The following NPM1 variants were observed in gnomAD, a reference collection of about 807,000 sequenced individuals.
The protein encoded by NPM1 is nucleophosmin.
A neutral mutation model predicts 44.1 loss-of-function variants in NPM1; 1 was observed. That is an observed-to-expected ratio of 0.02 (90% CI 0.01 to 0.11). NPM1 has a LOEUF of 0.11. Ranked by LOEUF, NPM1 falls within the 10% of genes least tolerant of loss-of-function variation. NPM1 has a pLI of 1.00. For synonymous variants in NPM1, 126 were observed against 111.8 expected (o/e 1.13, Z -0.80); for missense variants, 197 against 347.8 (o/e 0.57, Z 3.45).
chr5:171,390,409 T>C (rs1225706291), intron 2 of NPM1, among the ~76,000 whole-genome samples: 1 of 152,214 alleles, frequency 6.6e-6, no homozygotes, highest in East Asian at 1.9e-4. Context: ...CGATAATCTT[T>C]CATGTCTACC....
chr5:171,401,401 A>C (rs992229321), intron 8 of NPM1, among the ~76,000 whole-genome samples: 1 of 151,954 alleles, frequency 6.6e-6, no homozygotes, highest in African/African-American at 2.4e-5. Context: ...CACACACACA[A>C]ACATACTAAA....
chr5:171,391,798 A>G lies in NPM1; in HGVS notation c.351A>G (p.Val117=), dbSNP rs141086340. The G allele has an allele frequency of 2.5e-5, 39 of 1,576,324 alleles. No individual in the cohort carries two copies. The highest frequency in any genetic ancestry group is 1.4e-4 in the South Asian group (13 of 90,164). The change falls in exon 4 of 11, where the codon GTA becomes GTG. Residue 117 remains valine (V), a splice_region_variant and synonymous_variant. Coordinates refer to ENST00000296930, the MANE Select transcript of NPM1 (RefSeq NM_002520.7). ...GPVHISGQHL[V]AVEEDAESED... is the part of the protein sequence containing the mutation. ...TGCATATTAGTGGACAGCACTTAGT[A>G]GGTATGTTATTTTTATATATTATAC...
At chr5:171,388,520 T>G (rs1770393339) in intron 1 of NPM1, among the ~76,000 whole-genome samples, 1 of 151,090 alleles carries the variant, frequency 6.6e-6, no homozygotes, top group African/African-American at 2.4e-5. Context: ...CTTCGGCCAG[T>G]TACTGGGGGT....
chr5:171,387,957 T>G lies in NPM1; in HGVS notation c.9T>G (p.Asp3Glu), dbSNP rs1770334829. The change falls in exon 1 of 11, where the codon GAT becomes GAG. Residue 3 changes from aspartate to glutamate, a missense_variant. By Grantham distance (45) the Asp-to-Glu change is conservative. Coordinates refer to ENST00000296930, the MANE Select transcript of NPM1 (RefSeq NM_002520.7). ME[D>E]SMDMDMSPLR... ...GTGCGTGCCGCCACCCGATGGAAGA[T>G]TCGATGGACATGGACATGAGCCCCC... 1.2e-6 allele frequency: 2 copies of G among 1,612,520 alleles called. No individual in the cohort carries two copies. Among genetic ancestry groups the G allele is most frequent in the South Asian group, 1.1e-5 (1 of 91,012 alleles).
At chr5:171,387,752 G>C (rs75828148), upstream of NPM1, 1,414 of 621,208 alleles carry the variant, frequency 2.3e-3, 16 homozygotes, top group African/African-American at 0.024. Context: ...CTACGGTACG[G>C]GGGTGGGAGG....
At chr5:171,400,730 G>A in intron 7 of NPM1, 109 bp from the exon 8 acceptor site, 2 of 699,228 alleles carry the variant, frequency 2.9e-6, no homozygotes, top group East Asian at 2.8e-5. Flanking sequence ...ACAGGCATGA[G>A]CCACCACGCC....
chr5:171,391,221 G>GCATATAA, intron 2 of NPM1, 84 bp from the exon 3 acceptor site: 1 of 1,457,906 alleles, frequency 6.9e-7, no homozygotes, highest in East Asian at 2.3e-5. Context: ...GTTAAGTGAC[G>GCATATAA]CATGGCTGCA....
At chr5:171,405,265 A>G (rs1771500417) in intron 8 of NPM1, 37 bp from the exon 9 acceptor site, 3 of 1,018,786 alleles carry the variant, frequency 2.9e-6, no homozygotes. Context: ...AATTGTATTT[A>G]TTCTTATGAC....
In NPM1 at chr5:171,388,072, G is replaced by T; in HGVS notation, c.58+66G>T. 4 of 1,256,780 alleles carry T rather than the reference G, an allele frequency of 3.2e-6. No individual in the cohort carries two copies. The South Asian group carries it at 4.9e-5, about 15-fold the overall frequency. The allele number at this position is 1,256,780 out of a possible 1,614,324, so 77.9% of individuals were successfully genotyped here. On this transcript the variant is annotated intron_variant, in intron 1 of 10. Transcript: ENST00000296930. Reference sequence around the variant, plus strand: ...TGGTGGCGGTGAGGGTGGGGGTGAGGGGCGGGAATCCGGCTGCAACCGGGT... The same window carrying T: ...TGGTGGCGGTGAGGGTGGGGGTGAGTGGCGGGAATCCGGCTGCAACCGGGT...
At chr5:171,391,055 T>G in intron 2 of NPM1, 2 of 329,580 alleles carry the variant, frequency 6.1e-6, no homozygotes, top group Non-Finnish European at 1.1e-5. Flanking sequence ...ATACTGTGTT[T>G]CGGTTGCTTA....
At position 171,404,235 on chromosome 5, in the gene NPM1, AC is replaced by A. The variant is rs1232572364; in HGVS notation, c.670-1058del. Among the ~76,000 whole-genome samples the A allele has an allele frequency of 1.2e-3, 83 of 68,764 alleles. 16 individuals carry two copies. The highest frequency in any genetic ancestry group is 7.1e-3 in the East Asian group (13 of 1,830). 45.1% of individuals were successfully genotyped at this position (68,764 alleles called of 152,430 possible). On this transcript the variant is annotated intron_variant, in intron 8 of 10. Coordinates refer to ENST00000296930, the MANE Select transcript of NPM1 (RefSeq NM_002520.7). ...GGGCGGCTGGCCGGGCGGGGGGTTG[AC>A]CCCCCCCCACCTCCCTCCCGGACGG... is the stretch of plus-strand genomic sequence containing the variant.
In NPM1 at chr5:171,406,466, C is replaced by T. The variant is rs1413170325; in HGVS notation, c.771+1063C>T. On this transcript the variant is annotated intron_variant, in intron 9 of 10. Transcript: ENST00000296930. ...GATGGGGAGAAAGGAAAAGGAGAGACAAATATAGTCCATACTGAGTGTCAT... is the reference window on the plus strand; with the variant it reads ...GATGGGGAGAAAGGAAAAGGAGAGATAAATATAGTCCATACTGAGTGTCAT... 3 of 1,608,990 alleles carry T rather than the reference C, an allele frequency of 1.9e-6. No homozygotes were observed. The African/African-American group carries it at 4.0e-5, about 21-fold the overall frequency.
chr5:171,397,769 T>G (rs902575698), intron 6 of NPM1, among the ~76,000 whole-genome samples: 1 of 151,564 alleles, frequency 6.6e-6, no homozygotes, highest in Admixed American at 6.6e-5. Flanking sequence ...CTGCTGAGAT[T>G]ACAGCTGTGA....
intron 6 of NPM1, among the ~76,000 whole-genome samples, chr5:171,396,621 A>G (rs1310418373): frequency 1.3e-5 from 2 of 152,212 alleles, no homozygotes; most frequent in African/African-American, 4.8e-5. Context: ...ATTAAACGTG[A>G]ACCCCTTGGT....
At chr5:171,395,293 T>G (rs770529961) in intron 6 of NPM1, among the ~76,000 whole-genome samples, 19 of 134,720 alleles carry the variant, frequency 1.4e-4, no homozygotes, top group Admixed American at 2.2e-4. Context: ...CAGTACCTGG[T>G]TTTTTTTGTG....
At chr5:171,398,931 C>T (rs1771050064) in intron 6 of NPM1, among the ~76,000 whole-genome samples, 1 of 150,582 alleles carries the variant, frequency 6.6e-6, no homozygotes, top group Non-Finnish European at 1.5e-5. Flanking sequence ...GTGATCTTGG[C>T]TCACTGCAAC....
chr5:171,408,125 T>A (rs1771661509), intron 10 of NPM1, among the ~76,000 whole-genome samples: 1 of 151,204 alleles, frequency 6.6e-6, no homozygotes, highest in Non-Finnish European at 1.5e-5. Context: ...TGGTCTTGGC[T>A]TTTTTGGGAG....
rs1238453757 is a variant in NPM1, at chr5:171,400,761, T to A, written c.583-78T>A. The A allele has an allele frequency of 5.2e-6, 5 of 956,710 alleles. No homozygotes were observed. The African/African-American group carries it at 8.1e-5, about 16-fold the overall frequency. The allele number at this position is 956,710 out of a possible 1,614,324, so 59.3% of individuals were successfully genotyped here. A position where few individuals can be genotyped will look rare whatever the true frequency, so the allele number is the denominator to read the frequency against. On this transcript the variant is annotated intron_variant, in intron 7 of 10. Transcript: ENST00000296930. The stretch of plus-strand genomic sequence containing the variant: ...ACGCCAAGCCTGTGGTTGCTGCTTG[T>A]CTTACATGGCTTGGACAGCTTTGTT...
At chr5:171,393,649 G>T (rs1397921523) in intron 6 of NPM1, among the ~76,000 whole-genome samples, 1 of 152,180 alleles carries the variant, frequency 6.6e-6, no homozygotes, top group Non-Finnish European at 1.5e-5. Context: ...TCTCAGCTTT[G>T]TCCTTCAGTT....
Sources: gnomAD v4.1 joint callset for allele counts (sites outside exome capture counted in the v4.1 genomes callset) on GRCh38, gnomAD v4.1.1 for gene constraint, MANE v1.5 for transcripts, NCBI Gene and HGNC (gene_info 2026-07-23, HGNC 2026-07-21) for gene names.